PREX1: variants seen among roughly 807,000 people sequenced by gnomAD.
PREX1 encodes phosphatidylinositol 3,4,5-trisphosphate-dependent Rac exchanger 1 protein.
In PREX1, 41 loss-of-function variants were observed where a neutral mutation model predicts 198.3. That is an observed-to-expected ratio of 0.21 (90% CI 0.16 to 0.27). The LOEUF (loss-of-function observed/expected upper bound fraction) is 0.27. Among genes scored for constraint, PREX1 ranks in the 10% least tolerant of loss-of-function variants. PREX1 has a pLI of 1.00. For synonymous variants in PREX1, 843 were observed against 887.2 expected, an observed-to-expected ratio of 0.95 and a Z score of 0.89; for missense variants, 1,620 against 2,200.7, an observed-to-expected ratio of 0.74 and a Z score of 5.28.
chr20:48,637,663 G>C, intron 31 of PREX1, 48 bp downstream of exon 31: 1 of 1,541,524 alleles, frequency 6.5e-7, no homozygotes, highest in Non-Finnish European at 8.8e-7. Context: ...GCCTTGGGTG[G>C]TGGAAGAGGC....
intron 1 of PREX1, among the ~76,000 whole-genome samples, chr20:48,782,473 C>G (rs1448453399): frequency 6.6e-6 from 1 of 151,986 alleles, no homozygotes; most frequent in African/African-American, 2.4e-5. Context: ...CTATAAATTA[C>G]CCAGTCTCGA....
rs149524742 is a variant in PREX1, at chr20:48,666,316, C to T, written c.1705G>A (p.Val569Met). 211 of 1,570,672 alleles carry T rather than the reference C, an allele frequency of 1.3e-4. No individual in the cohort carries two copies. The highest frequency in any genetic ancestry group is 1.9e-4 in the East Asian group (8 of 41,968). ...QTREEAVALG[V>M]GLCNNGFMHH... ...ATGAAGCCATTGTTGCACAGACCCA[C>T]GCCGAGCGCCACTGCCTCCTCCCGA... Residue 569 changes from valine (V) to methionine (M), a missense_variant, in exon 15 of 40, where the codon GTG (valine) becomes ATG (methionine). This residue lies in a region of PREX1 where 488 missense variants were observed against 802.5 expected (regional missense o/e 0.61). Transcript: ENST00000371941. The surrounding 1 kb of genome is among the most constrained non-coding windows in gnomAD (Gnocchi z 4.3).
intron 1 of PREX1, among the ~76,000 whole-genome samples, chr20:48,749,904 T>TC (rs958078336): frequency 6.6e-6 from 1 of 151,326 alleles, no homozygotes; most frequent in African/African-American, 2.4e-5. Context: ...ATGGGTTAAA[T>TC]CCCCTTTTTT....
At chr20:48,875,923 T>C in the PREX1 span, among the ~76,000 whole-genome samples, 1 of 152,160 alleles carries the variant, frequency 6.6e-6, no homozygotes, top group Non-Finnish European at 1.5e-5. Context: ...CTCAGGCTCC[T>C]GGAGGAGAAA....
intron 26 of PREX1, 49 bp downstream of exon 26, chr20:48,645,802 G>T: frequency 1.3e-6 from 2 of 1,595,340 alleles, no homozygotes; most frequent in Non-Finnish European, 1.7e-6. Flanking sequence ...GGCCTCACCT[G>T]TCCAGGGCCA....
At chr20:48,885,558 A>T in the PREX1 span, among the ~76,000 whole-genome samples, 1 of 152,174 alleles carries the variant, frequency 6.6e-6, no homozygotes, top group Non-Finnish European at 1.5e-5. Flanking sequence ...TTTGGTATTT[A>T]CCCAAAGGAA....
chr20:48,759,379 G>GTCT (rs1319098999), intron 1 of PREX1, among the ~76,000 whole-genome samples: 1 of 151,728 alleles, frequency 6.6e-6, no homozygotes, highest in East Asian at 1.9e-4. Flanking sequence ...GTGAAACCCT[G>GTCT]TCTCTACAAA....
At chr20:48,690,856 C>T (rs2089815185) in intron 9 of PREX1, 91 bp downstream of exon 9, 2 of 1,559,336 alleles carry the variant, frequency 1.3e-6, no homozygotes, top group Admixed American at 1.7e-5. Context: ...TGAAAAGGAC[C>T]CTATGCCCCT....
chr20:48,671,499 T>C (rs1258485349), intron 14 of PREX1, among the ~76,000 whole-genome samples: 1 of 152,226 alleles, frequency 6.6e-6, no homozygotes, highest in East Asian at 1.9e-4. Context: ...GGTTTCCTGT[T>C]ATGTGCAGCC....
chr20:48,836,313 G>A, the PREX1 span, among the ~76,000 whole-genome samples: 2 of 152,182 alleles, frequency 1.3e-5, no homozygotes, highest in African/African-American at 4.8e-5. Context: ...GGGGCTGGGC[G>A]AGATCACCCA....
At chr20:48,703,538 T>A (rs2089886434) in intron 6 of PREX1, among the ~76,000 whole-genome samples, 1 of 152,216 alleles carries the variant, frequency 6.6e-6, no homozygotes, top group South Asian at 2.1e-4. Context: ...GACAACCGGT[T>A]CAGCAGTCCC....
chr20:48,685,834 C>T, intron 10 of PREX1, among the ~76,000 whole-genome samples: 1 of 151,840 alleles, frequency 6.6e-6, no homozygotes. Flanking sequence ...TTTGAGGCTA[C>T]AGTGAGTTAT....
chr20:48,718,479 A>G (rs4455220), intron 5 of PREX1, among the ~76,000 whole-genome samples: 10,272 of 152,316 alleles, frequency 0.067, 405 homozygotes, highest in South Asian at 0.14. Flanking sequence ...GAAAGACGCA[A>G]AAGCATCAAA....
chr20:48,830,555 T>C (rs1331427802), upstream of PREX1, among the ~76,000 whole-genome samples: 1 of 152,136 alleles, frequency 6.6e-6, no homozygotes, highest in Non-Finnish European at 1.5e-5. Flanking sequence ...AAATCCCACA[T>C]TTCACCCAAG....
chr20:48,661,995 C>T (rs906012287), intron 15 of PREX1, among the ~76,000 whole-genome samples: 2 of 152,212 alleles, frequency 1.3e-5, no homozygotes, highest in African/African-American at 4.8e-5. Context: ...GCCTTAGCCA[C>T]AAGACATCCC....
chr20:48,681,905 C>T (rs560342104), intron 10 of PREX1, among the ~76,000 whole-genome samples: 2 of 152,002 alleles, frequency 1.3e-5, no homozygotes, highest in Non-Finnish European at 2.9e-5. Flanking sequence ...AAGGAATGGA[C>T]AAACATGCAG....
chr20:48,677,294 G>C (rs935502943), intron 13 of PREX1, among the ~76,000 whole-genome samples: 1 of 152,198 alleles, frequency 6.6e-6, no homozygotes, highest in African/African-American at 2.4e-5. Context: ...GTGGTTCCCA[G>C]GGCCTGACAT....
chr20:48,630,855 C>T, intron 35 of PREX1, 61 bp from the exon 36 acceptor site: 1 of 1,337,280 alleles, frequency 7.5e-7, no homozygotes, highest in Admixed American at 1.7e-5. Context: ...CCTGCCCCTA[C>T]CCAGGTCTCA....
intron 19 of PREX1, among the ~76,000 whole-genome samples, chr20:48,654,632 T>C (rs1233578868): frequency 6.6e-6 from 1 of 152,228 alleles, no homozygotes; most frequent in Non-Finnish European, 1.5e-5. Context: ...CTTTAAAATA[T>C]TATCAAATTC....
Sources: gnomAD v4.1 joint callset for allele counts (sites outside exome capture counted in the v4.1 genomes callset) on GRCh38, gnomAD v4.1.1 for gene constraint, gnomAD v4.1.1 regional missense constraint, Gnocchi (gnomAD v3.1) non-coding constraint, MANE v1.5 for transcripts, NCBI Gene and HGNC (gene_info 2026-07-23, HGNC 2026-07-21) for gene names.